Variants in NTAN1 observed in about 807,000 individuals in gnomAD.
NTAN1 encodes protein N-terminal asparagine amidohydrolase.
NTAN1 carries 32 observed loss-of-function variants against 41.9 expected under a neutral mutation model. That is an observed-to-expected ratio of 0.76 (90% CI 0.58 to 1.03). NTAN1 has a LOEUF of 1.03. Ranked by LOEUF, NTAN1 falls within the 50% of genes least tolerant of loss-of-function variation. The pLI is 0.00. For missense variants in NTAN1, 377 were observed against 377.5 expected (o/e 1.00, Z 0.01); for synonymous variants, 140 against 139.5 (o/e 1.00, Z -0.03).
At chr16:15,054,867 G>C (rs1705259379) in intron 1 of NTAN1, among the ~76,000 whole-genome samples, 1 of 152,160 alleles carries the variant, frequency 6.6e-6, no homozygotes, top group African/African-American at 2.4e-5. Context: ...ATCACAAACT[G>C]TACAGCTGTG....
In NTAN1 at chr16:15,038,228, T is replaced by C; in HGVS notation, c.754-18A>G. On this transcript the variant is annotated intron_variant, in intron 9 of 9. Coordinates refer to ENST00000287706, the MANE Select transcript of NTAN1 (RefSeq NM_173474.4). ...GAAAGATTCTGAAAACACAAGATGG[T>C]GGGCATTAGAGAAGCCAACCTTACT... is the stretch of plus-strand genomic sequence containing the variant. 6.2e-7 allele frequency: 1 copy of C among 1,607,194 alleles called. No homozygotes were observed. The highest frequency in any genetic ancestry group is 8.5e-7 in the Non-Finnish European group (1 of 1,175,732).
At chr16:15,055,174 C>T (rs995728946) in intron 1 of NTAN1, among the ~76,000 whole-genome samples, 1 of 152,152 alleles carries the variant, frequency 6.6e-6, no homozygotes, top group South Asian at 2.1e-4. Context: ...CTGCCCCCGC[C>T]GCCACGCCCC....
chr16:15,040,090 C>A (rs1485911568), intron 7 of NTAN1, 24 bp from the exon 8 acceptor site: 1 of 1,339,634 alleles, frequency 7.5e-7, no homozygotes. Flanking sequence ...CAGGATGACT[C>A]TGAATTGACA....
chr16:15,043,971 A>G (rs920973716), intron 5 of NTAN1, among the ~76,000 whole-genome samples: 1 of 152,118 alleles, frequency 6.6e-6, no homozygotes, highest in East Asian at 1.9e-4. Flanking sequence ...AAAAGAAAAA[A>G]TTTGCTAATA....
At position 15,037,975 on chromosome 16, in the gene NTAN1, G is replaced by T; in HGVS notation, c.*56C>A. The T allele has an allele frequency of 7.4e-7, 1 of 1,346,182 alleles. No homozygotes were observed. The highest frequency in any genetic ancestry group is 1.1e-6 in the Non-Finnish European group (1 of 951,628). The allele number at this position is 1,346,182 out of a possible 1,614,324, so 83.4% of individuals were successfully genotyped here. A position where few individuals can be genotyped will look rare whatever the true frequency, so the allele number is the denominator to read the frequency against. On this transcript the variant is annotated 3_prime_UTR_variant, in exon 10 of 10. Coordinates refer to ENST00000287706, the MANE Select transcript of NTAN1 (RefSeq NM_173474.4). Reference sequence around the variant, plus strand: ...AGGATCCAGATCTGGATTCGTGCCAGCCCCACCAATGGTCTGTCAGGCCAA... The same window carrying T: ...AGGATCCAGATCTGGATTCGTGCCATCCCCACCAATGGTCTGTCAGGCCAA...
rs1434914633 is a variant in NTAN1 at position 15,047,892 on chromosome 16, A to G, written c.213T>C (p.Asp71=). The G allele has an allele frequency of 4.3e-6, 7 of 1,613,786 alleles. No individual in the cohort carries two copies. The highest frequency in any genetic ancestry group is 1.7e-5 in the Admixed American group (1 of 60,022). The change falls in exon 3 of 10, where the codon GAT becomes GAC. Residue 71 remains aspartate (D), a synonymous_variant. Coordinates refer to ENST00000287706, the MANE Select transcript of NTAN1 (RefSeq NM_173474.4). ...DGSISILGSD[D]ATTCHIVVLR... ...GGACCACAATGTGACAAGTAGTGGC[A>G]TCATCAGAACCCAGAATGGAGATGG...
chr16:15,054,406 CT>C (rs1349108767), intron 1 of NTAN1, among the ~76,000 whole-genome samples: 2 of 152,210 alleles, frequency 1.3e-5, no homozygotes, highest in African/African-American at 2.4e-5. Context: ...ACCCATCTAA[CT>C]TTCTATCACG....
Position 15,041,108 on chromosome 16 carries a change from C to G in NTAN1, c.501G>C (p.Arg167=). The G allele has an allele frequency of 6.4e-7, 1 of 1,573,380 alleles. No homozygotes were observed. ...VTLCVTELND[R]EENENHFPVI... ...CTGGAAAGTGGTTTTCGTTTTCTTC[C>G]CGGTCATTTAATTCTACAAAATAAG... Residue 167 remains arginine, a synonymous_variant, in exon 7 of 10, where the codon CGG becomes CGC. Transcript: ENST00000287706.
At chr16:15,054,883 T>TGTTTC (rs969585112) in intron 1 of NTAN1, among the ~76,000 whole-genome samples, 7 of 152,310 alleles carry the variant, frequency 4.6e-5, no homozygotes, top group Admixed American at 4.6e-4. Context: ...CTGTGACAGA[T>TGTTTC]GAAACCTCTA....
rs544700875 is a variant in NTAN1, at chr16:15,048,052, G to A, written c.129C>T (p.Pro43=). The A allele has an allele frequency of 5.0e-6, 8 of 1,613,574 alleles. No individual in the cohort carries two copies. In the South Asian group the frequency reaches 8.8e-5, roughly 18 times the overall value. ...TTTGCTGAACATACAGAAGGCCCTG[G>A]GGTCCCACTTGTTGAACAGACTGAC... ...LRGQSVQQVG[P]QGLLYVQQRE... Residue 43 remains proline (P), a synonymous_variant, in exon 2 of 10, where the codon CCC becomes CCT. Transcript: ENST00000287706.
intron 8 of NTAN1, 85 bp downstream of exon 8, chr16:15,039,883 CT>C: frequency 1.3e-6 from 1 of 761,182 alleles, no homozygotes; most frequent in East Asian, 2.5e-5. Context: ...ACAGCATAAA[CT>C]TTTCTAAGAT....
rs374080578 is a variant in NTAN1, at chr16:15,043,793, C to A, written c.433+541G>T. Among the ~76,000 whole-genome samples the A allele has an allele frequency of 4.6e-5, 7 of 152,026 alleles. No individual in the cohort carries two copies. The East Asian group carries it at 1.4e-3, about 29-fold the overall frequency. ...TGAAACCCCATTTCTACCAAAAATA[C>A]AAAAATTAGGTGGGTGTGGTGGCGC... is the stretch of plus-strand genomic sequence containing the variant. On this transcript the variant is annotated intron_variant, in intron 5 of 9. Transcript: ENST00000287706.
chr16:15,038,788 C>T, intron 8 of NTAN1, 101 bp from the exon 9 acceptor site: 1 of 645,260 alleles, frequency 1.5e-6, no homozygotes, highest in South Asian at 1.9e-5. Flanking sequence ...ATGCATTTAT[C>T]TGCCTAAGCT....
intron 4 of NTAN1, chr16:15,044,690 A>T: frequency 2.0e-6 from 1 of 497,634 alleles, no homozygotes; most frequent in Non-Finnish European, 3.6e-6. Flanking sequence ...GCTCTGGAAG[A>T]GCACAGGCAC....
chr16:15,040,266 C>G (rs567036399), intron 7 of NTAN1, 200 bp from the exon 8 acceptor site: 6 of 433,040 alleles, frequency 1.4e-5, no homozygotes, highest in South Asian at 1.1e-4. Context: ...CGCTGAGGCT[C>G]GAGCTGGACT....
intron 1 of NTAN1, among the ~76,000 whole-genome samples, chr16:15,054,069 C>T (rs2044402610): frequency 6.6e-6 from 1 of 152,206 alleles, no homozygotes; most frequent in African/African-American, 2.4e-5. Context: ...CCCTCCTCAC[C>T]CGGGCTGCTC....
At chr16:15,048,122 A>C (rs1417936661) in intron 1 of NTAN1, 23 bp from the exon 2 acceptor site, 1 of 1,488,862 alleles carries the variant, frequency 6.7e-7, no homozygotes, top group African/African-American at 1.4e-5. Flanking sequence ...AAAAAAAATA[A>C]AATAGTGATG....
At chr16:15,046,660 GA>G in intron 4 of NTAN1, among the ~76,000 whole-genome samples, 1 of 123,084 alleles carries the variant, frequency 8.1e-6, no homozygotes, top group Non-Finnish European at 1.6e-5. Flanking sequence ...AAGAGTTTAA[GA>G]CCGGCCTGGG....
Position 15,037,969 on chromosome 16 carries a change from G to C in NTAN1, c.*62C>G, listed in dbSNP as rs565842562. On this transcript the variant is annotated 3_prime_UTR_variant, in exon 10 of 10. Transcript: ENST00000287706. Reference sequence around the variant, plus strand: ...AGATGTAGGATCCAGATCTGGATTCGTGCCAGCCCCACCAATGGTCTGTCA... The same window carrying C: ...AGATGTAGGATCCAGATCTGGATTCCTGCCAGCCCCACCAATGGTCTGTCA... The C allele has an allele frequency of 2.4e-6, 3 of 1,271,514 alleles. No individual in the cohort carries two copies. Among genetic ancestry groups the C allele is most frequent in the Admixed American group, 1.9e-5 (1 of 53,102 alleles). The allele number at this position is 1,271,514 out of a possible 1,614,324, so 78.8% of individuals were successfully genotyped here.
Sources: allele counts gnomAD v4.1 joint callset (sites outside exome capture counted in the v4.1 genomes callset), GRCh38; gene constraint gnomAD v4.1.1; transcripts MANE v1.5; gene names NCBI Gene and HGNC (gene_info 2026-07-23, HGNC 2026-07-21).